DYNC1I1: variants seen among roughly 807,000 people sequenced by gnomAD.
DYNC1I1 encodes the protein dynein cytoplasmic 1 intermediate chain 1.
A neutral mutation model predicts 86.6 loss-of-function variants in DYNC1I1; 43 were observed. The observed-to-expected ratio is 0.50, with a 90% CI of 0.39 to 0.64. The LOEUF is 0.64. Among genes scored for constraint, DYNC1I1 ranks in the 30% least tolerant of loss-of-function variants. The pLI, the probability that DYNC1I1 is intolerant of heterozygous loss-of-function variation, is 0.00. For synonymous variants in DYNC1I1, 262 were observed against 283.7 expected (o/e 0.92, Z 0.77); for missense variants, 604 against 788.8 (o/e 0.77, Z 2.81).
At chr7:96,024,970 T>G (rs946326909) in intron 10 of DYNC1I1, among the ~76,000 whole-genome samples, 2 of 152,188 alleles carry the variant, frequency 1.3e-5, no homozygotes, top group Non-Finnish European at 2.9e-5. Flanking sequence ...GGATTGTTGA[T>G]GTAGACTTTC....
intron 6 of DYNC1I1, among the ~76,000 whole-genome samples, chr7:95,948,161 T>C (rs74802295): frequency 0.021 from 3,117 of 152,032 alleles, 117 homozygotes; most frequent in African/African-American, 0.071. Flanking sequence ...TCCTCAGAAG[T>C]GTTTCGAGGG....
At chr7:96,101,800 C>T (rs151002511), downstream of DYNC1I1, among the ~76,000 whole-genome samples, 148 of 152,166 alleles carry the variant, frequency 9.7e-4, no homozygotes, top group Non-Finnish European at 1.8e-3. Context: ...AAATGGAGAC[C>T]TCTGAAATTG....
rs540946213 is a variant in DYNC1I1, at chr7:95,980,817, A to C, written c.580+3216A>C. ...GTCTTCATGTTTAGAAATTCAAAAC[A>C]ATACAACTGGGAACCTAACATTTTT... On this transcript the variant is annotated intron_variant, in intron 7 of 16. Coordinates refer to ENST00000447467, the MANE Select transcript of DYNC1I1 (RefSeq NM_001135556.2). 7.2e-5 allele frequency among the ~76,000 whole-genome samples: 11 copies of C among 152,266 alleles called. No individual in the cohort carries two copies. In the South Asian group the frequency reaches 2.3e-3, roughly 32 times the overall value.
intron 16 of DYNC1I1, among the ~76,000 whole-genome samples, chr7:96,093,977 C>T (rs1016276345): frequency 1.3e-5 from 2 of 152,032 alleles, no homozygotes; most frequent in African/African-American, 4.8e-5. Flanking sequence ...ATTAACATGC[C>T]ATTTGCCTCC....
rs144119109 is a variant in DYNC1I1 at position 95,855,645 on chromosome 7, C to T, written c.375-14238C>T. Among the ~76,000 whole-genome samples the T allele has an allele frequency of 3.4e-4, 51 of 152,188 alleles. 1 individual carries two copies. In the East Asian group the frequency reaches 7.9e-3, roughly 24 times the overall value. On this transcript the variant is annotated intron_variant, in intron 5 of 16. Transcript: ENST00000447467. ...ATATATCCCCTATGATGCTCCTAGG[C>T]GGTAAGGTATAGCCTATTGCTCTTA...
rs778426093 is a variant in DYNC1I1 at position 96,028,173 on chromosome 7, A to T, written c.970-2A>T. ...CTCTCTCTCTCTCCTTTTCCCTGAC[A>T]GTCCTCTGTGATGTCGGTCTGCTTC... On this transcript the variant is annotated splice_acceptor_variant, in intron 10 of 16. Coordinates refer to ENST00000447467, the MANE Select transcript of DYNC1I1 (RefSeq NM_001135556.2). LOFTEE classifies it high-confidence loss of function. 1 of 1,613,634 alleles carries T rather than the reference A, an allele frequency of 6.2e-7. No homozygotes were observed. The highest frequency in any genetic ancestry group is 8.5e-7 in the Non-Finnish European group (1 of 1,179,700).
At chr7:96,040,716 G>GTTTTTTTTTTTTTT (rs61104103) in intron 14 of DYNC1I1, among the ~76,000 whole-genome samples, 1 of 144,806 alleles carries the variant, frequency 6.9e-6, no homozygotes, top group Non-Finnish European at 1.5e-5. Context: ...CAAATGAGTA[G>GTTTTTTTTTTTTTT]TTTTTTTTTT....
intron 7 of DYNC1I1, among the ~76,000 whole-genome samples, chr7:95,979,872 TA>T (rs138476172): frequency 4.0e-5 from 6 of 151,388 alleles, no homozygotes; most frequent in Non-Finnish European, 5.9e-5. Flanking sequence ...AAACGTCTTT[TA>T]AAAAAAAAGT....
intron 1 of DYNC1I1, among the ~76,000 whole-genome samples, chr7:95,774,543 GT>G (rs1345598750): frequency 1.3e-5 from 2 of 152,192 alleles, no homozygotes; most frequent in Non-Finnish European, 2.9e-5. Context: ...AAGGGGCAGA[GT>G]TCTTAAAGTA....
chr7:95,854,856 A>C (rs1789674725), intron 5 of DYNC1I1, among the ~76,000 whole-genome samples: 1 of 152,180 alleles, frequency 6.6e-6, no homozygotes, highest in Non-Finnish European at 1.5e-5. Context: ...AGGTACAGAA[A>C]CAGATGAATT....
At chr7:95,896,659 A>G (rs1184707612) in intron 6 of DYNC1I1, among the ~76,000 whole-genome samples, 1 of 152,190 alleles carries the variant, frequency 6.6e-6, no homozygotes. Flanking sequence ...CCTGTAAACA[A>G]ACACAGGCAA....
At chr7:96,108,234 A>G (rs1045656128) in intron 16 of DYNC1I1, among the ~76,000 whole-genome samples, 10 of 152,040 alleles carry the variant, frequency 6.6e-5, no homozygotes, top group African/African-American at 1.9e-4. Context: ...TAATATAACA[A>G]TTGTTTTTGA....
Position 96,098,016 on chromosome 7 carries a change from A to T in DYNC1I1, c.*423A>T. On this transcript the variant is annotated 3_prime_UTR_variant, in exon 17 of 17. Coordinates refer to ENST00000447467, the MANE Select transcript of DYNC1I1 (RefSeq NM_001135556.2). ...TATGGTACAGGGCCAAAGACTTGAG[A>T]CGTGGTGTTTTACATGGTGACTCAC... 1.0e-6 allele frequency: 1 copy of T among 991,120 alleles called. No homozygotes were observed. 61.4% of individuals were successfully genotyped at this position (991,120 alleles called of 1,614,324 possible).
intron 7 of DYNC1I1, among the ~76,000 whole-genome samples, chr7:95,982,153 T>C (rs1793474522): frequency 6.6e-6 from 1 of 152,166 alleles, no homozygotes; most frequent in African/African-American, 2.4e-5. Flanking sequence ...GTTTATTTAA[T>C]CAAAAATTAC....
chr7:95,869,497 A>G (rs1470275495), intron 5 of DYNC1I1, among the ~76,000 whole-genome samples: 1 of 152,038 alleles, frequency 6.6e-6, no homozygotes, highest in East Asian at 1.9e-4. Flanking sequence ...TTCAAATTTA[A>G]GAAGCATTAC....
At chr7:96,093,168 T>A (rs368901857) in intron 16 of DYNC1I1, among the ~76,000 whole-genome samples, 14 of 152,314 alleles carry the variant, frequency 9.2e-5, no homozygotes, top group African/African-American at 2.9e-4. Flanking sequence ...GCTGTTCAAT[T>A]TGACTGACAA....
At chr7:95,843,160 C>T (rs545802278) in intron 5 of DYNC1I1, among the ~76,000 whole-genome samples, 5 of 152,258 alleles carry the variant, frequency 3.3e-5, no homozygotes, top group African/African-American at 9.6e-5. Context: ...GTGTAAATGC[C>T]CAGAACTGTT....
chr7:96,087,781 C>T (rs1234356265), intron 16 of DYNC1I1, among the ~76,000 whole-genome samples: 1 of 152,044 alleles, frequency 6.6e-6, no homozygotes, highest in Non-Finnish European at 1.5e-5. Flanking sequence ...GTGTTACAGC[C>T]CCAATGCTGT....
At chr7:96,088,116 A>G (rs1396561047) in intron 16 of DYNC1I1, among the ~76,000 whole-genome samples, 1 of 152,108 alleles carries the variant, frequency 6.6e-6, no homozygotes, top group Non-Finnish European at 1.5e-5. Context: ...CCATGATTAA[A>G]CTAATTATTA....
Sources: gnomAD v4.1 joint callset for allele counts (sites outside exome capture counted in the v4.1 genomes callset) on GRCh38, gnomAD v4.1.1 for gene constraint, MANE v1.5 for transcripts, NCBI Gene and HGNC (gene_info 2026-07-23, HGNC 2026-07-21) for gene names.